ERBB4: variants seen among roughly 807,000 people sequenced by gnomAD.
ERBB4 encodes erb-b2 receptor tyrosine kinase 4.
A neutral mutation model predicts 158.0 loss-of-function variants in ERBB4; 42 were observed. The ratio of observed to expected loss-of-function variants is 0.27; its 90% confidence interval spans 0.21 to 0.34. The LOEUF (loss-of-function observed/expected upper bound fraction) is 0.34, where lower values mean the gene tolerates loss of function less well. Among genes scored for constraint, ERBB4 ranks in the 10% least tolerant of loss-of-function variants. The pLI is 1.00. For missense variants in ERBB4, 1,333 were observed against 1,624.1 expected, an observed-to-expected ratio of 0.82 and a Z score of 3.08; for synonymous variants, 583 against 558.7, an observed-to-expected ratio of 1.04 and a Z score of -0.61.
intron 3 of ERBB4, among the ~76,000 whole-genome samples, chr2:211,943,489 C>A (rs1194683898): frequency 1.3e-5 from 2 of 151,928 alleles, no homozygotes; most frequent in Non-Finnish European, 2.9e-5. Context: ...TCCCAATGGC[C>A]TCAAGATAGA....
intron 2 of ERBB4, among the ~76,000 whole-genome samples, chr2:212,062,046 T>C (rs966230650): frequency 2.0e-5 from 3 of 152,206 alleles, no homozygotes; most frequent in African/African-American, 4.8e-5. Context: ...AGATTGTTTC[T>C]TTTATACTGT....
intron 1 of ERBB4, among the ~76,000 whole-genome samples, chr2:212,172,324 A>AGTG (rs2081542611): frequency 6.6e-6 from 1 of 152,142 alleles, no homozygotes; most frequent in Non-Finnish European, 1.5e-5. Flanking sequence ...TAGAAGTGTA[A>AGTG]ATTAGTTCTA....
intron 2 of ERBB4, among the ~76,000 whole-genome samples, chr2:212,108,412 T>C (rs1706319386): frequency 6.6e-6 from 1 of 152,200 alleles, no homozygotes; most frequent in Non-Finnish European, 1.5e-5. Flanking sequence ...CTTAGCATCT[T>C]AGCATTTTAA....
At chr2:211,553,589 C>T (rs1182747192) in intron 20 of ERBB4, among the ~76,000 whole-genome samples, 2 of 152,134 alleles carry the variant, frequency 1.3e-5, no homozygotes, top group African/African-American at 2.4e-5. Context: ...TCTAAAATAA[C>T]ACATAGTTTA....
At chr2:211,773,635 TATATATATATATAATATATATAC>T (rs2075790355) in intron 4 of ERBB4, among the ~76,000 whole-genome samples, 1 of 101,108 alleles carries the variant, frequency 9.9e-6, no homozygotes, top group Non-Finnish European at 2.0e-5. Flanking sequence ...TATATATATA[TATATATATATATAATATATATAC>T]ACACACACAC....
At chr2:211,777,255 A>C (rs530731778) in intron 4 of ERBB4, 5 of 152,248 alleles carry the variant, frequency 3.3e-5, no homozygotes, top group Admixed American at 3.3e-4. Context: ...ATTATGTTTC[A>C]AATCTTCCCA....
chr2:212,236,416 C>T (rs1489949896), intron 1 of ERBB4, among the ~76,000 whole-genome samples: 1 of 152,072 alleles, frequency 6.6e-6, no homozygotes, highest in East Asian at 1.9e-4. Context: ...GGGATAGTGG[C>T]CTGAAATTTT....
At chr2:211,809,121 CT>C (rs2076689193) in intron 3 of ERBB4, among the ~76,000 whole-genome samples, 1 of 152,176 alleles carries the variant, frequency 6.6e-6, no homozygotes, top group South Asian at 2.1e-4. Flanking sequence ...CCCTTCATTT[CT>C]TTCTCTTGCC....
chr2:211,738,361 G>GTTTTGTTTTTTTTTTTTTTTTTTT, intron 5 of ERBB4, among the ~76,000 whole-genome samples: 1 of 135,342 alleles, frequency 7.4e-6, no homozygotes, highest in Non-Finnish European at 1.6e-5. Context: ...CTTTGTTTTT[G>GTTTTGTTTTTTTTTTTTTTTTTTT]TTTTTTTTTT....
intron 3 of ERBB4, among the ~76,000 whole-genome samples, chr2:211,884,730 C>T (rs2078750309): frequency 6.6e-6 from 1 of 152,182 alleles, no homozygotes; most frequent in Non-Finnish European, 1.5e-5. Flanking sequence ...TTCATCAACT[C>T]ACTCTTGTGA....
chr2:212,162,481 G>T (rs1385861902), intron 1 of ERBB4, among the ~76,000 whole-genome samples: 1 of 151,836 alleles, frequency 6.6e-6, no homozygotes, highest in Non-Finnish European at 1.5e-5. Flanking sequence ...ATCTTGATAA[G>T]TATTTGCACT....
chr2:211,681,967 C>A (rs2072353866), intron 12 of ERBB4, among the ~76,000 whole-genome samples: 1 of 151,238 alleles, frequency 6.6e-6, no homozygotes, highest in Non-Finnish European at 1.5e-5. Context: ...CCATATGATT[C>A]ATTTAGAGTT....
At chr2:212,137,598 A>G (rs1321903378) in intron 1 of ERBB4, among the ~76,000 whole-genome samples, 1 of 152,136 alleles carries the variant, frequency 6.6e-6, no homozygotes, top group Non-Finnish European at 1.5e-5. Context: ...GGTTGATTCC[A>G]TGTATTTGCT....
At chr2:212,234,209 A>T (rs879716433) in intron 1 of ERBB4, among the ~76,000 whole-genome samples, 1 of 151,970 alleles carries the variant, frequency 6.6e-6, no homozygotes, top group African/African-American at 2.4e-5. Context: ...TTCAATTCCC[A>T]ATTATGAGTG....
chr2:212,208,886 C>T (rs1408958246), intron 1 of ERBB4, among the ~76,000 whole-genome samples: 3 of 152,040 alleles, frequency 2.0e-5, no homozygotes, highest in Non-Finnish European at 4.4e-5. Flanking sequence ...GCTTAAGGAC[C>T]TTTATTCTTT....
intron 4 of ERBB4, chr2:211,778,744 G>A (rs1363783670): frequency 2.6e-5 from 4 of 152,118 alleles, no homozygotes; most frequent in African/African-American, 9.7e-5. Context: ...TATTTTAGGG[G>A]CCATTAACTT....
intron 25 of ERBB4, among the ~76,000 whole-genome samples, chr2:211,405,836 A>C (rs112772256): frequency 6.6e-6 from 1 of 152,176 alleles, no homozygotes; most frequent in Non-Finnish European, 1.5e-5. Flanking sequence ...ATATCTACTT[A>C]TGTTTTAAAA....
intron 20 of ERBB4, among the ~76,000 whole-genome samples, chr2:211,523,798 G>A (rs571750382): frequency 4.9e-4 from 75 of 152,166 alleles, no homozygotes; most frequent in Middle Eastern, 3.4e-3. Flanking sequence ...AAGGGGACCC[G>A]AGCAGGTTGC....
At chr2:211,439,811 G>C (rs1273818637) in intron 20 of ERBB4, among the ~76,000 whole-genome samples, 1 of 152,170 alleles carries the variant, frequency 6.6e-6, no homozygotes, top group East Asian at 1.9e-4. Flanking sequence ...TGGAATGTGG[G>C]AAAGCAAACC....
Sources: gnomAD v4.1 joint callset for allele counts (sites outside exome capture counted in the v4.1 genomes callset) on GRCh38, gnomAD v4.1.1 for gene constraint, MANE v1.5 for transcripts, NCBI Gene and HGNC (gene_info 2026-07-23, HGNC 2026-07-21) for gene names.